The following HDAC9 variants were observed in gnomAD, a reference collection of about 807,000 sequenced individuals.
HDAC9 encodes MEF-2 interacting transcription repressor (MITR) protein.
HDAC9 carries 41 observed loss-of-function variants against 139.4 expected under a neutral mutation model. The observed-to-expected ratio is 0.29, with a 90% confidence interval of 0.23 to 0.38. The LOEUF (loss-of-function observed/expected upper bound fraction) is 0.38. Among genes scored for constraint, HDAC9 ranks in the 10% least tolerant of loss-of-function variants. HDAC9 has a pLI of 1.00. For missense variants in HDAC9, 1,147 were observed against 1,297.0 expected (o/e 0.88, Z 1.78); for synonymous variants, 517 against 476.2 (o/e 1.09, Z -1.12).
chr7:18,297,121 T>C (rs1435923684), intron 1 of HDAC9, among the ~76,000 whole-genome samples: 1 of 152,058 alleles, frequency 6.6e-6, no homozygotes, highest in East Asian at 1.9e-4. Context: ...TAGGTACGAG[T>C]TGAAGCCACA....
At chr7:18,246,462 C>A (rs1371976679) in intron 2 of HDAC9, among the ~76,000 whole-genome samples, 1 of 152,074 alleles carries the variant, frequency 6.6e-6, no homozygotes, top group African/African-American at 2.4e-5. Flanking sequence ...AGTTCCAGAA[C>A]ATTTTTATCA....
intron 22 of HDAC9, among the ~76,000 whole-genome samples, chr7:18,931,602 G>C (rs755580049): frequency 2.6e-5 from 4 of 152,134 alleles, no homozygotes; most frequent in Non-Finnish European, 5.9e-5. Context: ...TCAAGTGCTA[G>C]ACCAGAAGGG....
At chr7:18,316,857 G>A (rs1799685765) in intron 1 of HDAC9, among the ~76,000 whole-genome samples, 1 of 150,740 alleles carries the variant, frequency 6.6e-6, no homozygotes, top group African/African-American at 2.4e-5. Flanking sequence ...ACTTTGGGAG[G>A]CCGAGGCAGG....
At chr7:18,845,647 C>T (rs541560128) in intron 21 of HDAC9, among the ~76,000 whole-genome samples, 61 of 152,140 alleles carry the variant, frequency 4.0e-4, no homozygotes, top group Middle Eastern at 3.4e-3. Flanking sequence ...TGTTTGGTCT[C>T]ATAGTTCTTT....
At chr7:18,885,249 TGAA>T (rs774397840) in intron 22 of HDAC9, among the ~76,000 whole-genome samples, 6 of 152,338 alleles carry the variant, frequency 3.9e-5, no homozygotes, top group Non-Finnish European at 8.8e-5. Flanking sequence ...CCCAACCTCT[TGAA>T]GATTATATTC....
chr7:18,265,302 A>G (rs1207018148), intron 2 of HDAC9, among the ~76,000 whole-genome samples: 5 of 152,198 alleles, frequency 3.3e-5, no homozygotes, highest in African/African-American at 9.6e-5. Flanking sequence ...AGCAAAAATC[A>G]TGATATGCAC....
intron 1 of HDAC9, among the ~76,000 whole-genome samples, chr7:18,489,003 A>C (rs1232290822): frequency 6.6e-6 from 1 of 151,990 alleles, no homozygotes. Context: ...TTTGTTATTA[A>C]ATTAATATTT....
intron 16 of HDAC9, among the ~76,000 whole-genome samples, chr7:18,786,470 CGTCCTTCCTT>C (rs1791739223): frequency 4.8e-5 from 1 of 20,760 alleles, no homozygotes; most frequent in Non-Finnish European, 2.4e-4. Flanking sequence ...TCCTTCCTTT[CGTCCTTCCTT>C]CCTTTCTTCC....
chr7:18,781,120 C>T (rs1791211962), intron 16 of HDAC9, among the ~76,000 whole-genome samples: 2 of 152,020 alleles, frequency 1.3e-5, no homozygotes, highest in African/African-American at 4.8e-5. Context: ...CGCATCCCTG[C>T]TGTCTCTTTC....
At chr7:18,753,200 A>G (rs886714400) in intron 14 of HDAC9, among the ~76,000 whole-genome samples, 10 of 152,096 alleles carry the variant, frequency 6.6e-5, no homozygotes, top group African/African-American at 2.2e-4. Flanking sequence ...TAAATACACA[A>G]TTACAAATTT....
At chr7:18,801,034 G>A (rs759280939) in intron 17 of HDAC9, among the ~76,000 whole-genome samples, 4 of 151,768 alleles carry the variant, frequency 2.6e-5, no homozygotes, top group Non-Finnish European at 5.9e-5. Context: ...GTCATTTGGG[G>A]TTTCTTTCTG....
chr7:18,914,970 A>G (rs192548194), intron 22 of HDAC9, among the ~76,000 whole-genome samples: 11 of 152,226 alleles, frequency 7.2e-5, no homozygotes, highest in Admixed American at 7.2e-4. Context: ...GGGGACTAAG[A>G]AACTTGTAGC....
intron 25 of HDAC9, among the ~76,000 whole-genome samples, chr7:18,980,537 A>T (rs980387309): frequency 6.6e-6 from 1 of 152,206 alleles, no homozygotes; most frequent in African/African-American, 2.4e-5. Flanking sequence ...AAATGAAACA[A>T]CACATCACAA....
intron 2 of HDAC9, among the ~76,000 whole-genome samples, chr7:18,224,752 A>C (rs934787074): frequency 7.2e-5 from 11 of 152,168 alleles, no homozygotes; most frequent in Non-Finnish European, 1.2e-4. Context: ...TGGAGAGTGT[A>C]TAAGAAATTG....
At position 18,784,484 on chromosome 7, in the gene HDAC9, C is replaced by A. The variant is rs1585031270; in HGVS notation, c.2215-8861C>A. The stretch of plus-strand genomic sequence containing the variant: ...TTGCTACTATTGCTCTCAGTGTGAA[C>A]AATAAGAGGACAAAACAAAAAACAA... On this transcript the variant is annotated intron_variant, in intron 16 of 25. Coordinates refer to ENST00000686413, the MANE Select transcript of HDAC9 (RefSeq NM_178425.4). 4.6e-5 allele frequency among the ~76,000 whole-genome samples: 7 copies of A among 150,948 alleles called. 1 individual carries two copies. The highest frequency in any genetic ancestry group is 4.0e-4 in the Admixed American group (6 of 15,106).
intron 2 of HDAC9, among the ~76,000 whole-genome samples, chr7:18,202,408 C>G (rs1240030605): frequency 2.6e-5 from 4 of 151,982 alleles, no homozygotes; most frequent in African/African-American, 9.7e-5. Context: ...AGATTTCTTG[C>G]CTTGTGGTGC....
intron 22 of HDAC9, among the ~76,000 whole-genome samples, chr7:18,897,507 A>G (rs28539032): frequency 0.09 from 13,731 of 151,922 alleles, 662 homozygotes; most frequent in African/African-American, 0.13. Flanking sequence ...TGCTATGCGG[A>G]GGTTTCTGAT....
intron 12 of HDAC9, among the ~76,000 whole-genome samples, chr7:18,719,668 G>T (rs553997563): frequency 2.6e-5 from 4 of 152,010 alleles, no homozygotes; most frequent in East Asian, 1.9e-4. Flanking sequence ...GGGGGAGGGG[G>T]TCTCTTTTGC....
chr7:18,936,819 G>A (rs1781668710), intron 23 of HDAC9, among the ~76,000 whole-genome samples: 1 of 151,878 alleles, frequency 6.6e-6, no homozygotes, highest in Non-Finnish European at 1.5e-5. Context: ...TGTAATGCAT[G>A]CCTTTGCCTG....
Sources: gnomAD v4.1 joint callset for allele counts (sites outside exome capture counted in the v4.1 genomes callset) on GRCh38, gnomAD v4.1.1 for gene constraint, MANE v1.5 for transcripts, NCBI Gene and HGNC (gene_info 2026-07-23, HGNC 2026-07-21) for gene names.